The following TMEM132D variants were observed in gnomAD, a reference collection of about 807,000 sequenced individuals.
TMEM132D encodes the protein mature OL transmembrane protein.
In TMEM132D, 21 loss-of-function variants were observed where a neutral mutation model predicts 62.3. The observed-to-expected ratio is 0.34, with a 90% CI of 0.24 to 0.49. TMEM132D has a LOEUF of 0.49. Ranked by LOEUF, TMEM132D falls within the 20% of genes least tolerant of loss-of-function variation. The probability of loss-of-function intolerance (pLI) is 0.99; values close to 1 mark genes in which losing one functional copy is unlikely to be tolerated. For synonymous variants in TMEM132D, 621 were observed against 575.6 expected (o/e 1.08, Z -1.13); for missense variants, 1,346 against 1,402.8 (o/e 0.96, Z 0.65).
chr12:129,429,395 T>C (rs1361138474), intron 3 of TMEM132D, among the ~76,000 whole-genome samples: 1 of 147,474 alleles, frequency 6.8e-6, no homozygotes. Flanking sequence ...TTGTTTGTCA[T>C]TGGTGTTGAA....
chr12:129,630,289 G>T (rs1879319995), intron 2 of TMEM132D, among the ~76,000 whole-genome samples: 2 of 152,086 alleles, frequency 1.3e-5, no homozygotes, highest in African/African-American at 2.4e-5. Flanking sequence ...TTTTAAATTT[G>T]GACTTCAAGG....
chr12:129,572,550 G>A (rs1427283681), intron 2 of TMEM132D, among the ~76,000 whole-genome samples: 1 of 152,188 alleles, frequency 6.6e-6, no homozygotes, highest in Non-Finnish European at 1.5e-5. Context: ...CTGGGTTCAA[G>A]CAATTCTCGT....
intron 1 of TMEM132D, among the ~76,000 whole-genome samples, chr12:129,722,592 T>C (rs1868878235): frequency 6.6e-6 from 1 of 152,152 alleles, no homozygotes; most frequent in African/African-American, 2.4e-5. Flanking sequence ...CTGGCTTCTA[T>C]CCAGGCTCCG....
chr12:129,294,926 T>G (rs1881531164), intron 4 of TMEM132D, among the ~76,000 whole-genome samples: 1 of 152,240 alleles, frequency 6.6e-6, no homozygotes, highest in South Asian at 2.1e-4. Context: ...TGGTTCATTG[T>G]GTGTATCAGC....
chr12:129,555,213 T>C (rs934949284), intron 2 of TMEM132D, among the ~76,000 whole-genome samples: 2 of 152,332 alleles, frequency 1.3e-5, no homozygotes, highest in African/African-American at 4.8e-5. Context: ...AGCCCGATGG[T>C]ATTCACATAC....
chr12:129,623,294 T>C (rs1234483253), intron 2 of TMEM132D, among the ~76,000 whole-genome samples: 1 of 152,194 alleles, frequency 6.6e-6, no homozygotes. Flanking sequence ...TGTATTTTAT[T>C]TCAATAGCTT....
intron 1 of TMEM132D, among the ~76,000 whole-genome samples, chr12:129,895,098 C>T (rs1215005796): frequency 2.6e-5 from 4 of 152,252 alleles, no homozygotes; most frequent in South Asian, 4.2e-4. Context: ...GTCCTGGGGT[C>T]TCCTTGGAAC....
intron 4 of TMEM132D, among the ~76,000 whole-genome samples, chr12:129,240,978 C>T (rs921195442): frequency 2.0e-5 from 3 of 152,126 alleles, no homozygotes; most frequent in Non-Finnish European, 4.4e-5. Flanking sequence ...ATATCCATCA[C>T]GTCCATCGCA....
chr12:129,795,129 T>C (rs899206636), intron 1 of TMEM132D, among the ~76,000 whole-genome samples: 2 of 152,256 alleles, frequency 1.3e-5, no homozygotes, highest in Non-Finnish European at 2.9e-5. Flanking sequence ...AAACACATTA[T>C]TAACCACTTA....
intron 3 of TMEM132D, among the ~76,000 whole-genome samples, chr12:129,389,296 A>G (rs1871232766): frequency 6.6e-6 from 1 of 152,166 alleles, no homozygotes; most frequent in Non-Finnish European, 1.5e-5. Context: ...GGCTAATACT[A>G]ACACCAACAC....
At chr12:129,785,902 T>C (rs1001221821) in intron 1 of TMEM132D, among the ~76,000 whole-genome samples, 1 of 94,676 alleles carries the variant, frequency 1.1e-5, no homozygotes, top group Non-Finnish European at 2.3e-5. Flanking sequence ...AGATAAAACA[T>C]AATTTTATCA....
intron 1 of TMEM132D, among the ~76,000 whole-genome samples, chr12:129,760,659 T>C (rs11060540): frequency 1.5e-5 from 2 of 134,928 alleles, no homozygotes; most frequent in Non-Finnish European, 3.2e-5. Context: ...TTTTTTTTTT[T>C]CTTTTTTTAA....
At chr12:129,482,343 A>T (rs916351802) in intron 3 of TMEM132D, among the ~76,000 whole-genome samples, 1 of 152,244 alleles carries the variant, frequency 6.6e-6, no homozygotes, top group Non-Finnish European at 1.5e-5. Flanking sequence ...CAGTGATAGA[A>T]ATCTTTTGTC....
At chr12:129,598,910 G>T (rs1878415409) in intron 2 of TMEM132D, among the ~76,000 whole-genome samples, 1 of 152,170 alleles carries the variant, frequency 6.6e-6, no homozygotes, top group African/African-American at 2.4e-5. Flanking sequence ...AGGCCTGGCT[G>T]CTCAGACCAT....
intron 4 of TMEM132D, among the ~76,000 whole-genome samples, chr12:129,234,244 G>A (rs1879723184): frequency 6.6e-6 from 1 of 152,192 alleles, no homozygotes; most frequent in Non-Finnish European, 1.5e-5. Context: ...CAGGCATGGA[G>A]AATGCACTGC....
chr12:129,435,264 T>C (rs1249265917), intron 3 of TMEM132D, among the ~76,000 whole-genome samples: 1 of 152,250 alleles, frequency 6.6e-6, no homozygotes, highest in Non-Finnish European at 1.5e-5. Context: ...TTGTGAATAC[T>C]GCTGCAATAA....
chr12:129,820,650 G>A (rs778893357), intron 1 of TMEM132D, among the ~76,000 whole-genome samples: 1 of 152,194 alleles, frequency 6.6e-6, no homozygotes, highest in Non-Finnish European at 1.5e-5. Flanking sequence ...GGGATGAACG[G>A]TTCCATCATG....
intron 3 of TMEM132D, among the ~76,000 whole-genome samples, chr12:129,473,542 G>C (rs1025401254): frequency 3.3e-5 from 5 of 151,846 alleles, no homozygotes; most frequent in African/African-American, 1.2e-4. Flanking sequence ...TATTGGCCAG[G>C]CTGGTCTCGA....
intron 3 of TMEM132D, among the ~76,000 whole-genome samples, chr12:129,415,107 A>T (rs982477059): frequency 2.0e-5 from 3 of 152,196 alleles, no homozygotes; most frequent in African/African-American, 7.2e-5. Flanking sequence ...ACTATGGTGA[A>T]TTATGCTGTG....
Sources: allele counts gnomAD v4.1 joint callset (sites outside exome capture counted in the v4.1 genomes callset), GRCh38; gene constraint gnomAD v4.1.1; transcripts MANE v1.5; gene names NCBI Gene and HGNC (gene_info 2026-07-23, HGNC 2026-07-21).